Variants in MAGI1 observed in about 807,000 individuals in gnomAD.
MAGI1 encodes membrane associated guanylate kinase, WW and PDZ domain containing 1.
In MAGI1, 58 loss-of-function variants were observed where a neutral mutation model predicts 139.9. That is an observed-to-expected ratio of 0.41 (90% CI 0.34 to 0.52). MAGI1 has a LOEUF of 0.52. Among genes scored for constraint, MAGI1 ranks in the 20% least tolerant of loss-of-function variants. The probability of loss-of-function intolerance (pLI) is 0.12; values close to 1 mark genes in which losing one functional copy is unlikely to be tolerated. For synonymous variants in MAGI1, 812 were observed against 737.9 expected (o/e 1.10, Z -1.63); for missense variants, 1,874 against 1,901.6 (o/e 0.99, Z 0.27).
intron 2 of MAGI1, among the ~76,000 whole-genome samples, chr3:65,615,040 G>C (rs939123157): frequency 3.3e-5 from 5 of 150,230 alleles, no homozygotes; most frequent in African/African-American, 1.2e-4. Flanking sequence ...AAAAAAGAAA[G>C]AAAGAAAGAA....
rs2060394155 is a variant in MAGI1 at position 65,882,983 on chromosome 3, G to A, written c.313+155013C>T. On this transcript the variant is annotated intron_variant, in intron 1 of 22. Coordinates refer to ENST00000402939, the MANE Select transcript of MAGI1 (RefSeq NM_001033057.2). ...AAGAAAGGAAAGAAAAGGGAAAAGG[G>A]AAGAGAAAGGACAAGTTGACCTCAC... 1.3e-5 allele frequency among the ~76,000 whole-genome samples: 2 copies of A among 151,344 alleles called. 1 individual carries two copies. Among genetic ancestry groups the A allele is most frequent in the Middle Eastern group, 6.4e-3 (2 of 312 alleles).
intron 2 of MAGI1, among the ~76,000 whole-genome samples, chr3:65,496,030 G>A (rs919629996): frequency 6.6e-6 from 1 of 152,004 alleles, no homozygotes; most frequent in African/African-American, 2.4e-5. Context: ...GGGGTGCGTT[G>A]ATTTGGTTTT....
intron 1 of MAGI1, among the ~76,000 whole-genome samples, chr3:65,828,739 C>G (rs184872955): frequency 6.6e-6 from 1 of 152,118 alleles, no homozygotes; most frequent in Admixed American, 6.6e-5. Flanking sequence ...CCTTGAGATA[C>G]GGGGATTACT....
At chr3:66,008,019 C>A (rs2067122846) in intron 1 of MAGI1, among the ~76,000 whole-genome samples, 2 of 151,858 alleles carry the variant, frequency 1.3e-5, no homozygotes, top group Non-Finnish European at 2.9e-5. Context: ...GCTTCAGCCT[C>A]CCAAGTAGCT....
intron 2 of MAGI1, among the ~76,000 whole-genome samples, chr3:65,530,655 GTGTGTGTATA>G (rs1425739669): frequency 1.1e-4 from 8 of 76,100 alleles, no homozygotes; most frequent in African/African-American, 3.7e-4. Context: ...GTGTGTGTGT[GTGTGTGTATA>G]TATATATACA....
intron 1 of MAGI1, among the ~76,000 whole-genome samples, chr3:65,981,149 C>T (rs2065556336): frequency 2.0e-5 from 1 of 50,758 alleles, no homozygotes; most frequent in South Asian, 9.1e-4. Context: ...GAGACTCCAT[C>T]TCAAAAAAAA....
At chr3:65,722,430 C>G (rs72900239) in intron 1 of MAGI1, among the ~76,000 whole-genome samples, 2 of 151,634 alleles carry the variant, frequency 1.3e-5, no homozygotes, top group African/African-American at 2.4e-5. Context: ...GCCCAGGAGT[C>G]CGAGATCAGC....
At chr3:65,505,761 T>A (rs1333702090) in intron 2 of MAGI1, among the ~76,000 whole-genome samples, 1 of 151,852 alleles carries the variant, frequency 6.6e-6, no homozygotes, top group East Asian at 1.9e-4. Context: ...GTTCTGTGCA[T>A]ATAATGAAAA....
At chr3:65,918,784 C>G (rs531020966) in intron 1 of MAGI1, among the ~76,000 whole-genome samples, 9 of 152,076 alleles carry the variant, frequency 5.9e-5, no homozygotes, top group Admixed American at 6.6e-5. Flanking sequence ...TGCTTAAATT[C>G]AAAGAATTTA....
At chr3:65,979,935 A>C (rs6764522) in intron 1 of MAGI1, among the ~76,000 whole-genome samples, 150,870 of 152,256 alleles carry the variant, frequency 0.99, 74,766 homozygotes, top group East Asian at 1. Flanking sequence ...GCGGGTGATT[A>C]AAGAGGAACT....
intron 2 of MAGI1, among the ~76,000 whole-genome samples, chr3:65,553,221 C>A (rs1460542032): frequency 6.6e-6 from 1 of 151,102 alleles, no homozygotes; most frequent in East Asian, 2.0e-4. Flanking sequence ...CACGGTATAA[C>A]AATATTAAGT....
intron 1 of MAGI1, among the ~76,000 whole-genome samples, chr3:65,848,875 T>C (rs2059100105): frequency 6.6e-6 from 1 of 152,090 alleles, no homozygotes; most frequent in Admixed American, 6.5e-5. Flanking sequence ...GGACACTTCC[T>C]GGCTTACTGA....
At chr3:65,828,719 A>C (rs1363403201) in intron 1 of MAGI1, among the ~76,000 whole-genome samples, 1 of 152,212 alleles carries the variant, frequency 6.6e-6, no homozygotes, top group African/African-American at 2.4e-5. Flanking sequence ...TTTATGATAA[A>C]GGGTATGGAC....
At chr3:66,035,282 GAA>G (rs138582799) in intron 1 of MAGI1, among the ~76,000 whole-genome samples, 6,857 of 152,198 alleles carry the variant, frequency 0.045, 191 homozygotes, top group African/African-American at 0.065. Flanking sequence ...CCATGAAGTA[GAA>G]AAACAGAATT....
At chr3:65,778,574 C>A (rs1395507253) in intron 1 of MAGI1, among the ~76,000 whole-genome samples, 1 of 152,132 alleles carries the variant, frequency 6.6e-6, no homozygotes, top group African/African-American at 2.4e-5. Context: ...ACTCCACACC[C>A]AGAAGATGGG....
intron 1 of MAGI1, among the ~76,000 whole-genome samples, chr3:65,903,987 G>A (rs1167733490): frequency 6.6e-6 from 1 of 151,428 alleles, no homozygotes. Flanking sequence ...CAGCCTGGGT[G>A]ACAGAGCAAG....
chr3:65,829,247 C>T (rs1191001270), intron 1 of MAGI1, among the ~76,000 whole-genome samples: 1 of 152,170 alleles, frequency 6.6e-6, no homozygotes, highest in African/African-American at 2.4e-5. Flanking sequence ...CATTTCTGAA[C>T]ACCTTCTTAG....
chr3:65,796,969 C>T (rs1288711339), intron 1 of MAGI1, among the ~76,000 whole-genome samples: 5 of 152,204 alleles, frequency 3.3e-5, no homozygotes, highest in Non-Finnish European at 7.3e-5. Context: ...TTCTTTCTCT[C>T]ATCTTCCAAG....
At chr3:66,028,256 CAAGAA>C (rs909401866) in intron 1 of MAGI1, among the ~76,000 whole-genome samples, 4 of 152,132 alleles carry the variant, frequency 2.6e-5, no homozygotes, top group African/African-American at 7.2e-5. Flanking sequence ...GAGCTGAGAT[CAAGAA>C]AAGAAAAGAT....
Sources: allele counts gnomAD v4.1 joint callset (sites outside exome capture counted in the v4.1 genomes callset), GRCh38; gene constraint gnomAD v4.1.1; transcripts MANE v1.5; gene names NCBI Gene and HGNC (gene_info 2026-07-23, HGNC 2026-07-21).